The following PPP2R2B variants were observed in gnomAD, a reference collection of about 807,000 sequenced individuals.
The protein encoded by PPP2R2B is serine/threonine-protein phosphatase 2A 55 kDa regulatory subunit B beta isoform.
A neutral mutation model predicts 46.0 loss-of-function variants in PPP2R2B; 5 were observed. That is an observed-to-expected ratio of 0.11 (90% confidence interval 0.06 to 0.23). The LOEUF (loss-of-function observed/expected upper bound fraction) is 0.23. Among genes scored for constraint, PPP2R2B ranks in the 10% least tolerant of loss-of-function variants. The pLI is 1.00. For synonymous variants in PPP2R2B, 215 were observed against 206.7 expected, an observed-to-expected ratio of 1.04 and a Z score of -0.34; for missense variants, 367 against 575.0, an observed-to-expected ratio of 0.64 and a Z score of 3.70.
chr5:146,763,327 A>G (rs1754279676), intron 2 of PPP2R2B, among the ~76,000 whole-genome samples: 1 of 152,190 alleles, frequency 6.6e-6, no homozygotes, highest in African/African-American at 2.4e-5. Flanking sequence ...TAGGATAGAA[A>G]TAACGCAGCT....
chr5:146,598,379 A>G (rs1771426486), intron 8 of PPP2R2B, among the ~76,000 whole-genome samples: 1 of 152,144 alleles, frequency 6.6e-6, no homozygotes, highest in South Asian at 2.1e-4. Context: ...CCTATTCTCA[A>G]CTAGGTCATA....
intron 1 of PPP2R2B, among the ~76,000 whole-genome samples, chr5:146,962,093 C>T (rs1283520867): frequency 6.8e-6 from 1 of 146,028 alleles, no homozygotes; most frequent in Non-Finnish European, 1.5e-5. Flanking sequence ...ACATCCCTGC[C>T]CCCATACTCC....
At chr5:147,076,292 C>T (rs951655464) in intron 2 of PPP2R2B, among the ~76,000 whole-genome samples, 3 of 151,916 alleles carry the variant, frequency 2.0e-5, no homozygotes, top group Non-Finnish European at 2.9e-5. Context: ...ATAGTATTTC[C>T]ATTATGACTC....
rs1770005001 is a variant in PPP2R2B, at chr5:146,583,692, C to T, written c.*6255G>A. The T allele has an allele frequency of 6.6e-6, 1 of 152,178 alleles. No individual in the cohort carries two copies. The highest frequency in any genetic ancestry group is 6.5e-5 in the Admixed American group (1 of 15,276). 9.4% of individuals were successfully genotyped at this position (152,178 alleles called of 1,614,324 possible). A position where few individuals can be genotyped will look rare whatever the true frequency, so the allele number is the denominator to read the frequency against. ...AGGCAGTACATGAACAATCATTAAC[C>T]ATTTAGTAAATGAATGAATGAATGC... On this transcript the variant is annotated 3_prime_UTR_variant, in exon 10 of 10. Transcript: ENST00000394411.
At chr5:146,699,661 G>GTT (rs11388336) in intron 3 of PPP2R2B, among the ~76,000 whole-genome samples, 6,777 of 117,940 alleles carry the variant, frequency 0.057, 215 homozygotes, top group East Asian at 0.08. Context: ...AACTTAATTG[G>GTT]TTTTTTTTTT....
intron 1 of PPP2R2B, among the ~76,000 whole-genome samples, chr5:146,963,879 A>T (rs1477109260): frequency 6.6e-6 from 1 of 152,234 alleles, no homozygotes; most frequent in Non-Finnish European, 1.5e-5. Flanking sequence ...ATTGTATAAA[A>T]GGAGTTGTCC....
chr5:146,884,120 A>G (rs1437212726), intron 1 of PPP2R2B, among the ~76,000 whole-genome samples: 1 of 121,470 alleles, frequency 8.2e-6, no homozygotes, highest in Non-Finnish European at 1.6e-5. Context: ...TTTGAGAGCC[A>G]GTTGTTAAAC....
At chr5:146,752,173 G>T (rs1463760719) in intron 2 of PPP2R2B, among the ~76,000 whole-genome samples, 1 of 152,078 alleles carries the variant, frequency 6.6e-6, no homozygotes, top group Non-Finnish European at 1.5e-5. Flanking sequence ...GGTGGGGAGA[G>T]GCTGATCAGC....
intron 5 of PPP2R2B, among the ~76,000 whole-genome samples, chr5:146,660,319 A>C (rs979727661): frequency 6.6e-6 from 1 of 152,230 alleles, no homozygotes; most frequent in Admixed American, 6.5e-5. Flanking sequence ...AAAAATATGC[A>C]TCTTAATTCC....
At chr5:146,740,523 C>G (rs1198520310) in intron 2 of PPP2R2B, among the ~76,000 whole-genome samples, 2 of 151,694 alleles carry the variant, frequency 1.3e-5, no homozygotes, top group African/African-American at 4.8e-5. Context: ...CTACCTCCCT[C>G]TTTCTTTTCC....
intron 2 of PPP2R2B, among the ~76,000 whole-genome samples, chr5:146,856,768 G>A (rs1368871367): frequency 1.3e-5 from 2 of 152,108 alleles, no homozygotes; most frequent in Non-Finnish European, 2.9e-5. Flanking sequence ...AAGCTTCCTT[G>A]CCTCAGCCCC....
chr5:147,080,628 A>G (rs982593814), intron 2 of PPP2R2B, among the ~76,000 whole-genome samples: 22 of 152,200 alleles, frequency 1.4e-4, no homozygotes, highest in African/African-American at 4.1e-4. Flanking sequence ...TTGGGATTCA[A>G]TGTTCTCGTA....
At chr5:146,841,357 T>G (rs906538716) in intron 2 of PPP2R2B, among the ~76,000 whole-genome samples, 1 of 152,134 alleles carries the variant, frequency 6.6e-6, no homozygotes, top group African/African-American at 2.4e-5. Context: ...AAAGACGCTG[T>G]TCAGTCCAAC....
chr5:146,855,441 A>T lies in PPP2R2B; in HGVS notation c.70+22561T>A, dbSNP rs1198554363. On this transcript the variant is annotated intron_variant, in intron 2 of 9. Coordinates refer to ENST00000394411, the MANE Select transcript of PPP2R2B (RefSeq NM_181675.4). ...CTCACACATCTTTATCCATAGTCTG[A>T]TGGAGAATATTCACAAACATATATG... is the stretch of plus-strand genomic sequence containing the variant. 2.6e-5 allele frequency among the ~76,000 whole-genome samples: 4 copies of T among 152,202 alleles called. No individual in the cohort carries two copies. In the South Asian group the frequency reaches 8.3e-4, roughly 31 times the overall value.
At chr5:146,834,299 C>A (rs1423563066) in intron 2 of PPP2R2B, among the ~76,000 whole-genome samples, 5 of 152,150 alleles carry the variant, frequency 3.3e-5, no homozygotes, top group Non-Finnish European at 7.4e-5. Flanking sequence ...AGAACAATGA[C>A]ATTCTGATAG....
At chr5:147,046,187 GAATAAATGAATA>G (rs1440155170) in intron 1 of PPP2R2B, among the ~76,000 whole-genome samples, 4 of 152,020 alleles carry the variant, frequency 2.6e-5, no homozygotes, top group African/African-American at 9.7e-5. Context: ...TGTATTTTTT[GAATAAATGAATA>G]AATAAATGAA....
chr5:146,745,147 G>A (rs1041803756), intron 2 of PPP2R2B, among the ~76,000 whole-genome samples: 6 of 139,116 alleles, frequency 4.3e-5, no homozygotes, highest in East Asian at 4.9e-4. Context: ...ACTCTAAAAC[G>A]TGCAGAGAAA....
At chr5:146,628,819 T>G (rs1774233198) in intron 7 of PPP2R2B, among the ~76,000 whole-genome samples, 1 of 152,206 alleles carries the variant, frequency 6.6e-6, no homozygotes, top group African/African-American at 2.4e-5. Context: ...CCATGATCAC[T>G]TCACCCCTCT....
chr5:146,914,855 G>A (rs1480866970), intron 1 of PPP2R2B, among the ~76,000 whole-genome samples: 1 of 152,164 alleles, frequency 6.6e-6, no homozygotes, highest in Admixed American at 6.5e-5. Context: ...TTTAGGGCCA[G>A]GGTACTTAAA....
Sources: gnomAD v4.1 joint callset for allele counts (sites outside exome capture counted in the v4.1 genomes callset) on GRCh38, gnomAD v4.1.1 for gene constraint, MANE v1.5 for transcripts, NCBI Gene and HGNC (gene_info 2026-07-23, HGNC 2026-07-21) for gene names.